TPRG1: variants seen among roughly 807,000 people sequenced by gnomAD.
The protein encoded by TPRG1 is tumor protein p63-regulated gene 1 protein.
A neutral mutation model predicts 29.3 loss-of-function variants in TPRG1; 29 were observed. The ratio of observed to expected loss-of-function variants is 0.99; its 90% CI spans 0.74 to 1.35. TPRG1 has a LOEUF of 1.35. Among genes scored for constraint, TPRG1 ranks in the 40% most tolerant of loss-of-function variants. The pLI is 0.00. For synonymous variants in TPRG1, 130 were observed against 116.8 expected (o/e 1.11, Z -0.73); for missense variants, 327 against 335.0 (o/e 0.98, Z 0.19).
intron 5 of TPRG1, among the ~76,000 whole-genome samples, chr3:189,163,830 C>T (rs984481921): frequency 2.0e-5 from 3 of 152,026 alleles, no homozygotes. Context: ...TTGGCTCTAC[C>T]CTCTTGGCTC....
At chr3:189,180,743 C>T (rs1480483988) in intron 1 of TPRG1, among the ~76,000 whole-genome samples, 1 of 152,164 alleles carries the variant, frequency 6.6e-6, no homozygotes, top group Admixed American at 6.5e-5. Context: ...ACCGTCAGCG[C>T]ATTTACTATT....
At chr3:189,136,078 C>T (rs2108548520) in intron 3 of TPRG1, among the ~76,000 whole-genome samples, 1 of 152,268 alleles carries the variant, frequency 6.6e-6, no homozygotes, top group South Asian at 2.1e-4. Context: ...TGTTACTCAC[C>T]TGTCACCAAG....
intron 1 of TPRG1, among the ~76,000 whole-genome samples, chr3:189,110,241 G>A (rs1236860247): frequency 2.0e-5 from 3 of 152,174 alleles, no homozygotes. Flanking sequence ...TGTATGAGGA[G>A]TTCTAGTTAC....
At chr3:189,142,787 G>T (rs1483936490) in intron 3 of TPRG1, among the ~76,000 whole-genome samples, 3 of 152,206 alleles carry the variant, frequency 2.0e-5, no homozygotes, top group African/African-American at 7.2e-5. Context: ...CCAGAGGCTT[G>T]TGAGACTGTT....
chr3:189,021,726 C>T (rs542356404), intron 3 of TPRG1, among the ~76,000 whole-genome samples: 5 of 152,130 alleles, frequency 3.3e-5, no homozygotes, highest in South Asian at 2.1e-4. Flanking sequence ...TTGCTCTTCT[C>T]GAGGAGTATC....
intron 4 of TPRG1, among the ~76,000 whole-genome samples, chr3:189,242,135 T>A (rs947357328): frequency 6.6e-6 from 1 of 152,154 alleles, no homozygotes; most frequent in Non-Finnish European, 1.5e-5. Context: ...AGGTATGCAA[T>A]CAACTTGAAT....
rs1435532921 is a variant in TPRG1 at position 189,320,811 on chromosome 3, T to C, written c.819T>C (p.Ile273=). The part of the protein sequence containing the change: ...KLGYSLARGS[I]GF The stretch of plus-strand genomic sequence containing the variant: ...GCTATTCCCTTGCCCGTGGGAGTAT[T>C]GGTTTTTGAGAGTCTTTTTGGTACC... Residue 273 remains isoleucine, a synonymous_variant, in exon 6 of 6, where the codon ATT becomes ATC. Coordinates refer to ENST00000345063, the MANE Select transcript of TPRG1 (RefSeq NM_198485.4). 6.3e-7 allele frequency: 1 copy of C among 1,585,782 alleles called. No individual in the cohort carries two copies. Among genetic ancestry groups the C allele is most frequent in the East Asian group, 2.3e-5 (1 of 43,170 alleles).
At chr3:189,318,321 A>T (rs1723878513) in intron 5 of TPRG1, among the ~76,000 whole-genome samples, 1 of 152,202 alleles carries the variant, frequency 6.6e-6, no homozygotes, top group Admixed American at 6.6e-5. Context: ...ACTTCATAGA[A>T]AACCAGATGA....
intron 3 of TPRG1, among the ~76,000 whole-genome samples, chr3:189,143,701 C>T (rs1383546842): frequency 4.6e-5 from 7 of 152,174 alleles, no homozygotes; most frequent in Non-Finnish European, 1.0e-4. Context: ...CCAACCCAGA[C>T]TTAGGTGTAG....
rs16863888 is a variant in TPRG1, at chr3:189,006,155, C to A, written c.-660+1395C>A. 7.7e-3 allele frequency among the ~76,000 whole-genome samples: 1,169 copies of A among 152,150 alleles called. 34 individuals carry two copies. In the East Asian group the frequency reaches 0.09, roughly 12 times the overall value. On this transcript the variant is annotated intron_variant, in intron 3 of 10. Transcript: ENST00000433971. ...TTGAATATAGCTGTTTCTCAATCCGCATGCAGCTTCCCGATCACTAAGCAC... is the reference window on the plus strand; with the variant it reads ...TTGAATATAGCTGTTTCTCAATCCGAATGCAGCTTCCCGATCACTAAGCAC...
intron 4 of TPRG1, among the ~76,000 whole-genome samples, chr3:189,246,089 C>G (rs529215771): frequency 2.0e-5 from 3 of 152,198 alleles, no homozygotes; most frequent in Non-Finnish European, 2.9e-5. Flanking sequence ...TGGGAGGGAC[C>G]TGATGGGAGG....
intron 3 of TPRG1, among the ~76,000 whole-genome samples, chr3:189,009,922 A>G (rs1212692670): frequency 6.6e-6 from 1 of 151,964 alleles, no homozygotes; most frequent in Non-Finnish European, 1.5e-5. Flanking sequence ...AGCATCCACT[A>G]GCTATTTTTC....
chr3:189,072,323 G>A (rs745462857), intron 4 of TPRG1, among the ~76,000 whole-genome samples: 4 of 152,098 alleles, frequency 2.6e-5, no homozygotes, highest in Non-Finnish European at 5.9e-5. Flanking sequence ...GTCATGAATT[G>A]CATTTAGGTG....
At position 189,267,945 on chromosome 3, in the gene TPRG1, C is replaced by A. The variant is rs931750318; in HGVS notation, c.479+29036C>A. On this transcript the variant is annotated intron_variant, in intron 4 of 5. Transcript: ENST00000345063. ...GTGTGATCAGGTCTTGGAGTCAGTCCTGGTAAAAGGTGTTGGATGCCTGAT... is the reference window on the plus strand; with the variant it reads ...GTGTGATCAGGTCTTGGAGTCAGTCATGGTAAAAGGTGTTGGATGCCTGAT... 3.1e-4 allele frequency among the ~76,000 whole-genome samples: 47 copies of A among 152,074 alleles called. 1 individual carries two copies. Among genetic ancestry groups the A allele is most frequent in the Non-Finnish European group, 5.9e-5 (4 of 68,016 alleles).
intron 4 of TPRG1, among the ~76,000 whole-genome samples, chr3:189,085,452 T>TGTGTGTGTGCGTGC (rs778097940): frequency 6.7e-6 from 1 of 148,606 alleles, no homozygotes; most frequent in African/African-American, 2.5e-5. Context: ...TGTGCATGTG[T>TGTGTGTGTGCGTGC]GTGTGTGTGT....
intron 4 of TPRG1, among the ~76,000 whole-genome samples, chr3:189,262,843 C>T (rs561294239): frequency 5.3e-5 from 8 of 152,326 alleles, no homozygotes; most frequent in East Asian, 1.9e-4. Context: ...TTCAAACTCA[C>T]GCACACAGCT....
intron 4 of TPRG1, among the ~76,000 whole-genome samples, chr3:189,064,665 C>T (rs1244653393): frequency 6.6e-6 from 1 of 151,988 alleles, no homozygotes; most frequent in Non-Finnish European, 1.5e-5. Context: ...GAGATGACAT[C>T]CCTAATATCA....
Position 189,324,192 on chromosome 3 carries a change from G to A in TPRG1, c.*3372G>A, listed in dbSNP as rs1210359947. 3 of 152,122 alleles carry A rather than the reference G, an allele frequency of 2.0e-5. No homozygotes were observed. Among genetic ancestry groups the A allele is most frequent in the Non-Finnish European group, 2.9e-5 (2 of 68,024 alleles). The allele number at this position is 152,122 out of a possible 1,614,324, so 9.4% of individuals were successfully genotyped here. A position where few individuals can be genotyped will look rare whatever the true frequency, so the allele number is the denominator to read the frequency against. On this transcript the variant is annotated 3_prime_UTR_variant, in exon 6 of 6. Transcript: ENST00000345063. ...GCCTTTGTTTAAACCTTCTTAGGAAGCCAGTTTGTAGAGTTCTGGGGATAA... is the reference window on the plus strand; with the variant it reads ...GCCTTTGTTTAAACCTTCTTAGGAAACCAGTTTGTAGAGTTCTGGGGATAA...
chr3:189,223,661 C>T (rs1044697722), intron 3 of TPRG1, among the ~76,000 whole-genome samples: 1 of 152,198 alleles, frequency 6.6e-6, no homozygotes, highest in East Asian at 1.9e-4. Flanking sequence ...TCTAATGCAG[C>T]GAAATGCCTA....
Sources: gnomAD v4.1 joint callset for allele counts (sites outside exome capture counted in the v4.1 genomes callset) on GRCh38, gnomAD v4.1.1 for gene constraint, MANE v1.5 for transcripts, NCBI Gene and HGNC (gene_info 2026-07-23, HGNC 2026-07-21) for gene names.